The following HS6ST3 variants were observed in gnomAD, a reference collection of about 807,000 sequenced individuals.
The protein encoded by HS6ST3 is heparan sulfate 6-O-sulfotransferase 3, also known as heparan-sulfate 6-O-sulfotransferase 3.
HS6ST3 carries 12 observed loss-of-function variants against 36.7 expected under a neutral mutation model. That is an observed-to-expected ratio of 0.33 (90% CI 0.21 to 0.53). HS6ST3 has a LOEUF of 0.53. Among genes scored for constraint, HS6ST3 ranks in the 20% least tolerant of loss-of-function variants. HS6ST3 has a pLI of 0.95. For missense variants in HS6ST3, 584 were observed against 640.9 expected (o/e 0.91, Z 0.96); for synonymous variants, 240 against 257.5 (o/e 0.93, Z 0.65).
intron 1 of HS6ST3, among the ~76,000 whole-genome samples, chr13:96,290,760 T>C (rs555046641): frequency 1.6e-4 from 25 of 152,268 alleles, no homozygotes; most frequent in African/African-American, 5.8e-4. Flanking sequence ...CCACCTCTTT[T>C]AGCGAAAAAG....
At chr13:96,561,442 G>A (rs908031250) in intron 1 of HS6ST3, among the ~76,000 whole-genome samples, 1 of 151,938 alleles carries the variant, frequency 6.6e-6, no homozygotes, top group Non-Finnish European at 1.5e-5. Context: ...CTAGAAGAAA[G>A]CCTAGGAAAC....
chr13:96,668,909 G>A (rs2056674221), intron 1 of HS6ST3, among the ~76,000 whole-genome samples: 2 of 151,762 alleles, frequency 1.3e-5, no homozygotes, highest in South Asian at 4.1e-4. Context: ...CATGTCTCAA[G>A]TATTTAAGGA....
At chr13:96,476,705 G>T (rs993016338) in intron 1 of HS6ST3, among the ~76,000 whole-genome samples, 3 of 152,084 alleles carry the variant, frequency 2.0e-5, no homozygotes, top group Non-Finnish European at 4.4e-5. Context: ...TGTGAACGTC[G>T]CTTGTGTTGC....
At chr13:96,104,664 C>A (rs534010) in intron 1 of HS6ST3, among the ~76,000 whole-genome samples, 124,626 of 152,190 alleles carry the variant, frequency 0.82, 51,418 homozygotes, top group East Asian at 0.91. Flanking sequence ...CAGGGCCAGA[C>A]ACCAGACAAC....
At chr13:96,477,397 C>G (rs1302515221) in intron 1 of HS6ST3, among the ~76,000 whole-genome samples, 1 of 152,142 alleles carries the variant, frequency 6.6e-6, no homozygotes, top group African/African-American at 2.4e-5. Context: ...AATGGCTATG[C>G]TTTGTTGACA....
At chr13:96,571,599 T>G (rs2056301318) in intron 1 of HS6ST3, among the ~76,000 whole-genome samples, 1 of 152,222 alleles carries the variant, frequency 6.6e-6, no homozygotes, top group Admixed American at 6.5e-5. Flanking sequence ...TTTTGGAGTC[T>G]CTGCTATTCT....
Position 96,091,422 on chromosome 13 carries a change from A to G in HS6ST3, c.560A>G (p.His187Arg), listed in dbSNP as rs370156586. The G allele has an allele frequency of 5.0e-6, 8 of 1,612,904 alleles. No individual in the cohort carries two copies. Among genetic ancestry groups the G allele is most frequent in the African/African-American group, 1.3e-5 (1 of 75,018 alleles). The change falls in exon 1 of 2, where the codon CAC (histidine) becomes CGC (arginine). Residue 187 changes from histidine to arginine, a missense_variant. Coordinates refer to ENST00000376705, the MANE Select transcript of HS6ST3 (RefSeq NM_153456.4). The stretch of plus-strand genomic sequence containing the variant: ...GCGGGTCAGAAGAAGTGCACCTGCC[A>G]CCGGCCTGGCAAGAAGGAGACGTGG... ...CKAGQKKCTC[H>R]RPGKKETWLF...
chr13:96,537,917 A>G (rs2056162221), intron 1 of HS6ST3, among the ~76,000 whole-genome samples: 1 of 152,196 alleles, frequency 6.6e-6, no homozygotes, highest in African/African-American at 2.4e-5. Context: ...ATGCAGGTGG[A>G]CAGTGATGGT....
At chr13:96,419,792 C>G (rs1326625593) in intron 1 of HS6ST3, among the ~76,000 whole-genome samples, 1 of 152,148 alleles carries the variant, frequency 6.6e-6, no homozygotes, top group African/African-American at 2.4e-5. Context: ...CTCCATCACG[C>G]ATAGTCGTCT....
At chr13:96,220,041 C>T (rs1349051239) in intron 1 of HS6ST3, among the ~76,000 whole-genome samples, 1 of 152,178 alleles carries the variant, frequency 6.6e-6, no homozygotes, top group Non-Finnish European at 1.5e-5. Context: ...TTCATTCATT[C>T]CAAGAACATT....
intron 1 of HS6ST3, among the ~76,000 whole-genome samples, chr13:96,346,578 A>G (rs965128113): frequency 1.5e-5 from 2 of 132,506 alleles, no homozygotes; most frequent in African/African-American, 2.5e-5. Context: ...GTCTCAAAAA[A>G]AAAATAATAA....
intron 1 of HS6ST3, among the ~76,000 whole-genome samples, chr13:96,702,770 C>T (rs1283771318): frequency 6.6e-6 from 1 of 152,206 alleles, no homozygotes; most frequent in African/African-American, 2.4e-5. Context: ...AAATATCTCA[C>T]ATAAAATAAT....
chr13:96,822,286 T>C (rs1260003986), intron 1 of HS6ST3, among the ~76,000 whole-genome samples: 2 of 152,130 alleles, frequency 1.3e-5, no homozygotes, highest in Non-Finnish European at 2.9e-5. Context: ...CATGCCCAAA[T>C]CCCAGTGATG....
intron 1 of HS6ST3, among the ~76,000 whole-genome samples, chr13:96,202,237 A>C (rs2054346049): frequency 6.6e-6 from 1 of 152,188 alleles, no homozygotes; most frequent in African/African-American, 2.4e-5. Context: ...TAATGCCTTG[A>C]TGCCCTGTGA....
chr13:96,777,224 T>C (rs1371814921), intron 1 of HS6ST3, among the ~76,000 whole-genome samples: 1 of 152,158 alleles, frequency 6.6e-6, no homozygotes, highest in African/African-American at 2.4e-5. Context: ...GACAAAGCCA[T>C]AGCCAATAGC....
At chr13:96,582,255 G>A (rs1050713362) in intron 1 of HS6ST3, among the ~76,000 whole-genome samples, 10 of 152,090 alleles carry the variant, frequency 6.6e-5, no homozygotes, top group South Asian at 6.2e-4. Flanking sequence ...AGATTTAAAC[G>A]TGAGAATGAC....
At chr13:96,309,768 G>GGCCGGGCGCGGTGGCTCACGCCTGTA (rs2054931310) in intron 1 of HS6ST3, among the ~76,000 whole-genome samples, 1 of 152,058 alleles carries the variant, frequency 6.6e-6, no homozygotes, top group African/African-American at 2.4e-5. Flanking sequence ...AATGTAATAA[G>GGCCGGGCGCGGTGGCTCACGCCTGTA]ATCGTATGTT....
At chr13:96,215,332 C>G (rs1210114223) in intron 1 of HS6ST3, among the ~76,000 whole-genome samples, 1 of 152,182 alleles carries the variant, frequency 6.6e-6, no homozygotes, top group African/African-American at 2.4e-5. Context: ...GGTAACGAGA[C>G]ACAGCTTGGA....
At chr13:96,118,729 A>T in intron 1 of HS6ST3, among the ~76,000 whole-genome samples, 1 of 92,906 alleles carries the variant, frequency 1.1e-5, no homozygotes, top group African/African-American at 4.3e-5. Context: ...TTTGAGACGG[A>T]GTCTCGCTCT....
Sources: allele counts gnomAD v4.1 joint callset (sites outside exome capture counted in the v4.1 genomes callset), GRCh38; gene constraint gnomAD v4.1.1; transcripts MANE v1.5; gene names NCBI Gene and HGNC (gene_info 2026-07-23, HGNC 2026-07-21).